The following STXBP5L variants were observed in gnomAD, a reference collection of about 807,000 sequenced individuals.
The protein encoded by STXBP5L is syntaxin-binding protein 5-like.
Under a neutral mutation model 144.5 loss-of-function variants are expected in STXBP5L, and 65 were observed. The observed-to-expected ratio is 0.45, with a 90% CI of 0.37 to 0.55. The LOEUF (loss-of-function observed/expected upper bound fraction) is 0.55. STXBP5L is among the 20% of genes least tolerant of loss of function. STXBP5L has a pLI of 0.00. For synonymous variants in STXBP5L, 505 were observed against 469.6 expected (o/e 1.08, Z -0.97); for missense variants, 1,298 against 1,405.5 (o/e 0.92, Z 1.22).
intron 7 of STXBP5L, among the ~76,000 whole-genome samples, chr3:121,133,027 A>G (rs1270849176): frequency 6.6e-6 from 1 of 152,130 alleles, no homozygotes; most frequent in Non-Finnish European, 1.5e-5. Flanking sequence ...TGTATTATAG[A>G]AGATCCATAA....
chr3:121,325,862 G>A (rs973187378), intron 20 of STXBP5L, among the ~76,000 whole-genome samples: 2 of 151,544 alleles, frequency 1.3e-5, no homozygotes, highest in African/African-American at 2.4e-5. Flanking sequence ...AGAAATTATG[G>A]CTAAGAAAAG....
intron 3 of STXBP5L, among the ~76,000 whole-genome samples, chr3:120,982,402 G>C (rs548580340): frequency 5.9e-4 from 90 of 152,218 alleles, no homozygotes; most frequent in African/African-American, 2.1e-3. Flanking sequence ...GAGAGCTCCT[G>C]GTGAAATGTA....
At chr3:121,340,547 G>C (rs1054655506) in intron 20 of STXBP5L, among the ~76,000 whole-genome samples, 1 of 125,928 alleles carries the variant, frequency 7.9e-6, no homozygotes, top group Non-Finnish European at 1.6e-5. Context: ...TGTTCTCATT[G>C]TTCAACTCCC....
intron 19 of STXBP5L, among the ~76,000 whole-genome samples, chr3:121,317,144 G>T (rs1173968703): frequency 2.0e-5 from 3 of 152,096 alleles, no homozygotes; most frequent in Non-Finnish European, 4.4e-5. Context: ...AATATTATGT[G>T]TACTATGATT....
intron 3 of STXBP5L, among the ~76,000 whole-genome samples, chr3:120,974,122 C>T (rs1462516862): frequency 6.6e-6 from 1 of 152,166 alleles, no homozygotes; most frequent in African/African-American, 2.4e-5. Context: ...ACCACACTAA[C>T]TTCCACAATG....
chr3:121,090,229 G>T (rs1015096585), intron 5 of STXBP5L, among the ~76,000 whole-genome samples: 1 of 152,066 alleles, frequency 6.6e-6, no homozygotes, highest in Non-Finnish European at 1.5e-5. Flanking sequence ...GGCAGGGGAA[G>T]GTCAGATGTT....
At chr3:121,155,899 G>C (rs1259181117) in intron 8 of STXBP5L, among the ~76,000 whole-genome samples, 2 of 151,892 alleles carry the variant, frequency 1.3e-5, no homozygotes, top group Non-Finnish European at 2.9e-5. Context: ...GTTTAGGGTT[G>C]AGAGTGCCTT....
At chr3:120,977,692 C>G (rs905781827) in intron 3 of STXBP5L, among the ~76,000 whole-genome samples, 1 of 152,124 alleles carries the variant, frequency 6.6e-6, no homozygotes, top group Non-Finnish European at 1.5e-5. Context: ...CCAGTTGTTT[C>G]TTTCCATGTT....
intron 18 of STXBP5L, among the ~76,000 whole-genome samples, chr3:121,277,177 G>C (rs924775047): frequency 6.6e-6 from 1 of 152,014 alleles, no homozygotes; most frequent in South Asian, 2.1e-4. Flanking sequence ...TGTCTGGTGA[G>C]AACCTGTTCC....
chr3:121,028,021 T>C (rs752045729), intron 3 of STXBP5L, among the ~76,000 whole-genome samples: 4 of 152,112 alleles, frequency 2.6e-5, no homozygotes, highest in Non-Finnish European at 4.4e-5. Flanking sequence ...CCAGAAATAA[T>C]CTGTTCTGGA....
At position 120,943,368 on chromosome 3, in the gene STXBP5L, T is replaced by C. The variant is rs972252508; in HGVS notation, c.190-11572T>C. ...AATATCATTTGCTTTTCTGTATCTG[T>C]ATCTTGCCAAGGTTTATTTTGTAAG... is the stretch of plus-strand genomic sequence containing the variant. On this transcript the variant is annotated intron_variant, in intron 2 of 26. Coordinates refer to ENST00000471454, the MANE Select transcript of STXBP5L (RefSeq NM_001308330.2). Among the ~76,000 whole-genome samples, 27 of 151,720 alleles carry C rather than the reference T, an allele frequency of 1.8e-4. 1 individual carries two copies. Among genetic ancestry groups the C allele is most frequent in the Admixed American group, 1.7e-3 (26 of 15,172 alleles).
In STXBP5L at chr3:121,208,492, AT is replaced by A. The variant is rs569027034; in HGVS notation, c.956+2492del. Among the ~76,000 whole-genome samples, 93 of 152,308 alleles carry A rather than the reference AT, an allele frequency of 6.1e-4. 1 individual carries two copies. The highest frequency in any genetic ancestry group is 3.3e-3 in the South Asian group (16 of 4,828). ...GAACTTAAAGTGTAATAGTAAAAAA[AT>A]ACTAATAACAAAAAAACCCACTGTT... On this transcript the variant is annotated intron_variant, in intron 10 of 26. Transcript: ENST00000471454.
chr3:121,079,541 T>A lies in STXBP5L; in HGVS notation c.470+34006T>A, dbSNP rs529198354. On this transcript the variant is annotated intron_variant, in intron 5 of 26. Coordinates refer to ENST00000471454, the MANE Select transcript of STXBP5L (RefSeq NM_001308330.2). ...AGGATTTTAAAATTTCTATTACTGC[T>A]ACTATTAAGTTATAGTTGATTTTAT... Among the ~76,000 whole-genome samples, 11 of 152,380 alleles carry A rather than the reference T, an allele frequency of 7.2e-5. No homozygotes were observed. The South Asian group carries it at 2.3e-3, about 32-fold the overall frequency.
intron 3 of STXBP5L, among the ~76,000 whole-genome samples, chr3:121,025,764 A>G (rs773769151): frequency 5.9e-5 from 9 of 151,282 alleles, no homozygotes; most frequent in Non-Finnish European, 8.9e-5. Flanking sequence ...TAAATTGCTT[A>G]ATGAATAAAC....
intron 9 of STXBP5L, among the ~76,000 whole-genome samples, chr3:121,201,299 G>A (rs910755831): frequency 1.3e-5 from 2 of 152,006 alleles, no homozygotes; most frequent in African/African-American, 4.8e-5. Flanking sequence ...GATCTTTGTT[G>A]GTTTAAAGTC....
intron 5 of STXBP5L, among the ~76,000 whole-genome samples, chr3:121,082,497 T>A (rs1693494411): frequency 6.6e-6 from 1 of 152,236 alleles, no homozygotes; most frequent in Non-Finnish European, 1.5e-5. Flanking sequence ...CAGCTTTATC[T>A]GCTTGGGACC....
chr3:120,913,875 A>G (rs777811099), intron 2 of STXBP5L, among the ~76,000 whole-genome samples: 5 of 152,074 alleles, frequency 3.3e-5, no homozygotes, highest in Admixed American at 1.3e-4. Context: ...GAGCAAATAA[A>G]TGAATAAATT....
At chr3:121,298,861 A>G (rs766451352) in intron 19 of STXBP5L, among the ~76,000 whole-genome samples, 4 of 152,242 alleles carry the variant, frequency 2.6e-5, no homozygotes, top group Non-Finnish European at 4.4e-5. Context: ...TATGGTAAAC[A>G]GTACTGTAAT....
intron 9 of STXBP5L, among the ~76,000 whole-genome samples, chr3:121,196,786 G>A (rs546713629): frequency 1.3e-5 from 2 of 151,652 alleles, no homozygotes; most frequent in African/African-American, 2.4e-5. Context: ...CCTCCCACCC[G>A]AGCCTTTCAA....
Sources: gnomAD v4.1 joint callset for allele counts (sites outside exome capture counted in the v4.1 genomes callset) on GRCh38, gnomAD v4.1.1 for gene constraint, MANE v1.5 for transcripts, NCBI Gene and HGNC (gene_info 2026-07-23, HGNC 2026-07-21) for gene names.